Variants in WAPL observed in about 807,000 individuals in gnomAD.
WAPL encodes wings apart-like protein homolog.
A neutral mutation model predicts 121.0 loss-of-function variants in WAPL; 5 were observed. That is an observed-to-expected ratio of 0.04 (90% CI 0.02 to 0.09). WAPL has a LOEUF of 0.09. WAPL is among the 10% of genes least tolerant of loss of function. The pLI is 1.00. For synonymous variants in WAPL, 480 were observed against 481.5 expected (o/e 1.00, Z 0.04); for missense variants, 999 against 1,410.8 (o/e 0.71, Z 4.68).
chr10:86,460,346 C>CA, intron 11 of WAPL, 53 bp downstream of exon 11: 1 of 1,381,646 alleles, frequency 7.2e-7, no homozygotes, highest in Admixed American at 1.8e-5. Context: ...CTCTTACACA[C>CA]ACAATCACAA....
chr10:86,452,535 T>C (rs1841008592), intron 14 of WAPL, among the ~76,000 whole-genome samples: 1 of 151,980 alleles, frequency 6.6e-6, no homozygotes, highest in African/African-American at 2.4e-5. Context: ...GAGGTTGCAG[T>C]GAGCCGAGAC....
chr10:86,511,519 T>A (rs1165751096), intron 2 of WAPL, among the ~76,000 whole-genome samples: 3 of 152,224 alleles, frequency 2.0e-5, no homozygotes, highest in Non-Finnish European at 4.4e-5. Flanking sequence ...TCCCAGATCT[T>A]CCACTTAACA....
intron 4 of WAPL, among the ~76,000 whole-genome samples, chr10:86,487,761 G>A (rs1306460901): frequency 6.6e-6 from 1 of 152,130 alleles, no homozygotes; most frequent in Non-Finnish European, 1.5e-5. Flanking sequence ...CGGGCATGGT[G>A]GTGGGCGCCT....
Position 86,443,179 on chromosome 10 carries a change from AC to A in WAPL, c.3411+95del, listed in dbSNP as rs548818909. 53 of 943,954 alleles carry A rather than the reference AC, an allele frequency of 5.6e-5. No individual in the cohort carries two copies. In the South Asian group the frequency reaches 9.2e-4, roughly 16 times the overall value. The allele number at this position is 943,954 out of a possible 1,614,324, so 58.5% of individuals were successfully genotyped here. A position where few individuals can be genotyped will look rare whatever the true frequency, so the allele number is the denominator to read the frequency against. On this transcript the variant is annotated intron_variant, in intron 17 of 18. Coordinates refer to ENST00000298767, the MANE Select transcript of WAPL (RefSeq NM_015045.5). ...ATAAGTTGGACATTAAGGGGGAAACACTGAAGAAATAAATAAGTGAAACATG... is the reference window on the plus strand; with the variant it reads ...ATAAGTTGGACATTAAGGGGGAAACATGAAGAAATAAATAAGTGAAACATG...
In WAPL at chr10:86,437,307, T is replaced by C. The variant is rs1589484360; in HGVS notation, c.*236A>G. 2.0e-6 allele frequency: 1 copy of C among 490,388 alleles called. No individual in the cohort carries two copies. Among genetic ancestry groups the C allele is most frequent in the East Asian group, 3.6e-5 (1 of 27,944 alleles). The allele number at this position is 490,388 out of a possible 1,614,324, so 30.4% of individuals were successfully genotyped here. A position where few individuals can be genotyped will look rare whatever the true frequency, so the allele number is the denominator to read the frequency against. On this transcript the variant is annotated 3_prime_UTR_variant, in exon 19 of 19. Coordinates refer to ENST00000298767, the MANE Select transcript of WAPL (RefSeq NM_015045.5). ...AATGTATTTAAATACTGCATGGAAT[T>C]GTTAACAGCCTGAACCTTTTCCCCT...
intron 9 of WAPL, among the ~76,000 whole-genome samples, chr10:86,465,205 T>A (rs7905325): frequency 0.18 from 27,118 of 152,094 alleles, 3,082 homozygotes; most frequent in East Asian, 0.43. Context: ...TGTTTGGTTT[T>A]TTTTGGAGAC....
chr10:86,507,797 G>C (rs1301132628), intron 2 of WAPL, among the ~76,000 whole-genome samples: 1 of 151,162 alleles, frequency 6.6e-6, no homozygotes, highest in Non-Finnish European at 1.5e-5. Context: ...TTTTATTTAA[G>C]AAGATTCTCA....
At chr10:86,454,446 T>G (rs1035404329) in intron 12 of WAPL, among the ~76,000 whole-genome samples, 10 of 152,308 alleles carry the variant, frequency 6.6e-5, no homozygotes, top group Admixed American at 2.0e-4. Flanking sequence ...TGGACTGTAC[T>G]GCCGCCATCT....
chr10:86,496,578 G>A (rs907932050), intron 4 of WAPL, among the ~76,000 whole-genome samples: 19 of 152,268 alleles, frequency 1.2e-4, no homozygotes, highest in Middle Eastern at 6.8e-3. Flanking sequence ...ACAAAATGTG[G>A]AAGGCATGGA....
At chr10:86,453,968 T>C (rs79680561) in intron 12 of WAPL, 137 bp from the exon 13 acceptor site, 57,855 of 741,884 alleles carry the variant, frequency 0.078, 2,777 homozygotes, top group African/African-American at 0.16. Flanking sequence ...AAAAAACTTA[T>C]TCAAGGAATG....
rs182442541 is a variant in WAPL at position 86,507,710 on chromosome 10, T to C, written c.500-6967A>G. Among the ~76,000 whole-genome samples, 15 of 149,736 alleles carry C rather than the reference T, an allele frequency of 1.0e-4. No homozygotes were observed. The East Asian group carries it at 2.5e-3, about 25-fold the overall frequency. On this transcript the variant is annotated intron_variant, in intron 2 of 18. Coordinates refer to ENST00000298767, the MANE Select transcript of WAPL (RefSeq NM_015045.5). ...TCACTTCATAAACATTAAAATCAGA[T>C]AGCCCACTGTTTTTTTTTTTTTAAT...
intron 2 of WAPL, among the ~76,000 whole-genome samples, chr10:86,504,769 C>G (rs1842312453): frequency 6.6e-6 from 1 of 152,054 alleles, no homozygotes; most frequent in South Asian, 2.1e-4. Context: ...ATGATCACAC[C>G]TGTGTGAGTA....
intron 3 of WAPL, among the ~76,000 whole-genome samples, chr10:86,498,826 C>T (rs1293882423): frequency 6.6e-6 from 1 of 152,174 alleles, no homozygotes; most frequent in Admixed American, 6.5e-5. Context: ...GACCCTTAGT[C>T]ACTACTGAGT....
At chr10:86,518,770 T>A (rs1228407084) in intron 1 of WAPL, among the ~76,000 whole-genome samples, 3 of 152,218 alleles carry the variant, frequency 2.0e-5, no homozygotes, top group African/African-American at 7.2e-5. Context: ...CTTTGAAATT[T>A]CATGGCACTA....
At position 86,451,989 on chromosome 10, in the gene WAPL, T is replaced by C; in HGVS notation, c.3092A>G (p.His1031Arg). The C allele has an allele frequency of 6.2e-7, 1 of 1,614,174 alleles. No homozygotes were observed. Among genetic ancestry groups the C allele is most frequent in the Non-Finnish European group, 8.5e-7 (1 of 1,180,028 alleles). ...TACCTGCACTAAAGCCTGGACAGCATGAACTTGTCCACCTATCCTTAAACT... is the reference window on the plus strand; with the variant it reads ...TACCTGCACTAAAGCCTGGACAGCACGAACTTGTCCACCTATCCTTAAACT... ...DDSLRIGGQV[H>R]AVQALVQLFL... The change falls in exon 15 of 19, where the codon CAT (histidine) becomes CGT (arginine). Residue 1031 changes from histidine (H) to arginine (R), a missense_variant. By Grantham distance (29) the His-to-Arg change is conservative (BLOSUM62 0). This residue lies in a region of WAPL where 126 missense variants were observed against 144.0 expected (regional missense o/e 0.87). Transcript: ENST00000298767.
intron 17 of WAPL, among the ~76,000 whole-genome samples, 172 bp downstream of exon 17, chr10:86,443,103 A>G (rs1849513614): frequency 6.6e-6 from 1 of 152,048 alleles, no homozygotes; most frequent in Non-Finnish European, 1.5e-5. Context: ...TTTCCTCCAT[A>G]GGAAACAAAC....
At chr10:86,474,286 G>A (rs1289748956) in intron 4 of WAPL, among the ~76,000 whole-genome samples, 1 of 151,926 alleles carries the variant, frequency 6.6e-6, no homozygotes, top group Non-Finnish European at 1.5e-5. Flanking sequence ...GGCCAAGGCG[G>A]GTGGATCACT....
At chr10:86,498,627 T>C (rs1354694649) in intron 3 of WAPL, among the ~76,000 whole-genome samples, 3 of 152,194 alleles carry the variant, frequency 2.0e-5, no homozygotes, top group Non-Finnish European at 4.4e-5. Context: ...AAGCTTTATT[T>C]AATATGTAAA....
At chr10:86,504,557 G>C (rs111747302) in intron 2 of WAPL, among the ~76,000 whole-genome samples, 1,533 of 149,704 alleles carry the variant, frequency 0.01, 32 homozygotes, top group African/African-American at 0.035. Context: ...CACACCTGTA[G>C]TCCAAGCTAC....
Sources: allele counts gnomAD v4.1 joint callset (sites outside exome capture counted in the v4.1 genomes callset), GRCh38; gene constraint gnomAD v4.1.1; regional missense constraint gnomAD v4.1.1; transcripts MANE v1.5; gene names NCBI Gene and HGNC (gene_info 2026-07-23, HGNC 2026-07-21).